The following MINDY3 variants were observed in gnomAD, a reference collection of about 807,000 sequenced individuals.
The protein encoded by MINDY3 is MINDY lysine 48 deubiquitinase 3.
MINDY3 carries 38 observed loss-of-function variants against 69.2 expected under a neutral mutation model. The observed-to-expected ratio is 0.55, with a 90% CI of 0.42 to 0.72. The LOEUF is 0.72. MINDY3 is among the 30% of genes least tolerant of loss of function. MINDY3 has a pLI of 0.00. For missense variants in MINDY3, 522 were observed against 519.0 expected, an observed-to-expected ratio of 1.01 and a Z score of -0.06; for synonymous variants, 192 against 180.1, an observed-to-expected ratio of 1.07 and a Z score of -0.53.
intron 13 of MINDY3, among the ~76,000 whole-genome samples, chr10:15,782,787 G>T (rs573292476): frequency 6.6e-6 from 1 of 152,108 alleles, no homozygotes; most frequent in East Asian, 1.9e-4. Context: ...TGCTTAAGGC[G>T]ATTTCAGTAA....
At chr10:15,822,254 G>A (rs1195448551) in intron 8 of MINDY3, among the ~76,000 whole-genome samples, 1 of 152,100 alleles carries the variant, frequency 6.6e-6, no homozygotes, top group African/African-American at 2.4e-5. Flanking sequence ...AAATAAAGAA[G>A]AATAGAAAAT....
chr10:15,831,106 C>A (rs1283997176), intron 8 of MINDY3, among the ~76,000 whole-genome samples: 1 of 152,014 alleles, frequency 6.6e-6, no homozygotes, highest in African/African-American at 2.4e-5. Flanking sequence ...AAGTTAGAGA[C>A]AGATAAAGAG....
At chr10:15,824,979 G>A (rs1257520060) in intron 8 of MINDY3, among the ~76,000 whole-genome samples, 1 of 152,098 alleles carries the variant, frequency 6.6e-6, no homozygotes, top group Non-Finnish European at 1.5e-5. Flanking sequence ...ATCACACTAG[G>A]AAAATTTACT....
At chr10:15,787,859 T>C (rs368560629) in intron 12 of MINDY3, among the ~76,000 whole-genome samples, 5 of 152,260 alleles carry the variant, frequency 3.3e-5, no homozygotes, top group African/African-American at 9.6e-5. Context: ...TTAATTCATT[T>C]AATCCTTAGG....
chr10:15,829,363 T>C (rs920519227), intron 8 of MINDY3, among the ~76,000 whole-genome samples: 3 of 152,284 alleles, frequency 2.0e-5, no homozygotes, highest in Admixed American at 2.0e-4. Flanking sequence ...CTTAAAAATA[T>C]ATGAATGCCC....
At chr10:15,849,733 C>T (rs893831747) in intron 1 of MINDY3, among the ~76,000 whole-genome samples, 1 of 152,128 alleles carries the variant, frequency 6.6e-6, no homozygotes, top group Non-Finnish European at 1.5e-5. Context: ...TCCATCCCAT[C>T]TCCTCTCTTT....
chr10:15,839,970 C>T (rs551429740), intron 4 of MINDY3, among the ~76,000 whole-genome samples: 3 of 151,640 alleles, frequency 2.0e-5, no homozygotes, highest in Admixed American at 2.0e-4. Context: ...TAACCTATAG[C>T]AACGTGACGT....
chr10:15,787,175 T>C (rs1220819055), intron 12 of MINDY3, among the ~76,000 whole-genome samples: 1 of 152,134 alleles, frequency 6.6e-6, no homozygotes, highest in Non-Finnish European at 1.5e-5. Context: ...AAGAGCTACA[T>C]TAATTCTCAA....
At chr10:15,788,134 CTTGAG>C (rs1837115357) in intron 12 of MINDY3, among the ~76,000 whole-genome samples, 1 of 151,894 alleles carries the variant, frequency 6.6e-6, no homozygotes, top group African/African-American at 2.4e-5. Context: ...ACAAAAATTA[CTTGAG>C]TTAATTCTCT....
chr10:15,794,040 C>A (rs1705209872), intron 11 of MINDY3, among the ~76,000 whole-genome samples: 1 of 152,040 alleles, frequency 6.6e-6, no homozygotes, highest in Non-Finnish European at 1.5e-5. Flanking sequence ...TGCAAATCCA[C>A]CTACCTGTCA....
chr10:15,840,777 T>G, intron 4 of MINDY3, among the ~76,000 whole-genome samples: 1 of 151,634 alleles, frequency 6.6e-6, no homozygotes. Flanking sequence ...CATTTCACAC[T>G]GGCAGCTTTC....
rs1588647443 is a variant in MINDY3, at chr10:15,847,755, AATTG to A, written c.174+105_174+108del. The A allele has an allele frequency of 2.8e-5, 18 of 646,402 alleles. No homozygotes were observed. The East Asian group carries it at 4.8e-4, about 17-fold the overall frequency. The allele number at this position is 646,402 out of a possible 1,614,324, so 40.0% of individuals were successfully genotyped here. ...TTTACATGAGCAAAAGTTAAGAGTTAATTGATTATGTCTCATAATTACTATATGG... is the reference window on the plus strand; with the variant it reads ...TTTACATGAGCAAAAGTTAAGAGTTAATTATGTCTCATAATTACTATATGG... On this transcript the variant is annotated intron_variant, in intron 2 of 14. Transcript: ENST00000277632.
chr10:15,831,418 C>G (rs927223803), intron 8 of MINDY3, among the ~76,000 whole-genome samples: 1 of 152,276 alleles, frequency 6.6e-6, no homozygotes, highest in South Asian at 2.1e-4. Context: ...TCGCTTCAAA[C>G]AAACATTCCA....
At chr10:15,842,904 C>CAAAAAAAAAAAAAAAAA (rs370464190) in intron 3 of MINDY3, among the ~76,000 whole-genome samples, 1 of 68,236 alleles carries the variant, frequency 1.5e-5, no homozygotes, top group Non-Finnish European at 2.9e-5. Context: ...AATAAGACTA[C>CAAAAAAAAAAAAAAAAA]AAAAAAAAAA....
chr10:15,846,945 C>T (rs1833891764), intron 2 of MINDY3, among the ~76,000 whole-genome samples: 2 of 152,000 alleles, frequency 1.3e-5, no homozygotes, highest in South Asian at 4.1e-4. Flanking sequence ...GGATGGCCTC[C>T]ATCTCCTGAC....
rs189028049 is a variant in MINDY3, at chr10:15,846,708, C to T, written c.174+1156G>A. Among the ~76,000 whole-genome samples the T allele has an allele frequency of 3.9e-3, 581 of 149,612 alleles. 4 individuals are homozygous for T. Among genetic ancestry groups the T allele is most frequent in the South Asian group, 4.0e-3 (19 of 4,748 alleles). On this transcript the variant is annotated intron_variant, in intron 2 of 14. Coordinates refer to ENST00000277632, the MANE Select transcript of MINDY3 (RefSeq NM_024948.4). ...CTGAGAAACAAATTTACTTTGTAGC[C>T]AACAGTTTAGGAATGCATTTTTTTT...
rs959395817 is a variant in MINDY3, at chr10:15,844,928, T to C, written c.175-1656A>G. The stretch of plus-strand genomic sequence containing the variant: ...ATCCTGATTATTTGGCTGTAAAGCA[T>C]CATTCCACCTGTTATGACTGCACAT... On this transcript the variant is annotated intron_variant, in intron 2 of 14. Transcript: ENST00000277632. Among the ~76,000 whole-genome samples, 14 of 152,320 alleles carry C rather than the reference T, an allele frequency of 9.2e-5. No individual in the cohort carries two copies. In the East Asian group the frequency reaches 2.5e-3, roughly 27 times the overall value.
intron 10 of MINDY3, among the ~76,000 whole-genome samples, chr10:15,809,666 C>T (rs1056220933): frequency 6.6e-6 from 1 of 152,036 alleles, no homozygotes; most frequent in African/African-American, 2.4e-5. Context: ...TGTGGGAACC[C>T]TGCTGCTTGA....
intron 9 of MINDY3, among the ~76,000 whole-genome samples, chr10:15,819,396 G>C (rs943782478): frequency 2.0e-5 from 3 of 152,132 alleles, no homozygotes; most frequent in Non-Finnish European, 1.5e-5. Context: ...CCTGGCTAGA[G>C]GCCAGTCATT....
Sources: allele counts gnomAD v4.1 joint callset (sites outside exome capture counted in the v4.1 genomes callset), GRCh38; gene constraint gnomAD v4.1.1; transcripts MANE v1.5; gene names NCBI Gene and HGNC (gene_info 2026-07-23, HGNC 2026-07-21).